PTPRN2: variants seen among roughly 807,000 people sequenced by gnomAD.
PTPRN2 encodes the protein protein tyrosine phosphatase receptor type N2, also known as receptor-type tyrosine-protein phosphatase N2.
PTPRN2 carries 74 observed loss-of-function variants against 118.8 expected under a neutral mutation model. That is an observed-to-expected ratio of 0.62 (90% CI 0.52 to 0.76). PTPRN2 has a LOEUF of 0.76. PTPRN2 is among the 30% of genes least tolerant of loss of function. The probability of loss-of-function intolerance (pLI) is 0.00; values close to 1 mark genes in which losing one functional copy is unlikely to be tolerated. For missense variants in PTPRN2, 1,481 were observed against 1,394.4 expected, an observed-to-expected ratio of 1.06 and a Z score of -0.99; for synonymous variants, 641 against 608.0, an observed-to-expected ratio of 1.05 and a Z score of -0.80.
At chr7:158,068,713 G>T (rs893927115) in intron 11 of PTPRN2, among the ~76,000 whole-genome samples, 1 of 152,142 alleles carries the variant, frequency 6.6e-6, no homozygotes, top group Non-Finnish European at 1.5e-5. Flanking sequence ...ATTCATTGGG[G>T]GATGTCATTT....
At position 157,765,438 on chromosome 7, in the gene PTPRN2, T is replaced by C. The variant is rs375566533; in HGVS notation, c.1789-82501A>G. 7.4e-4 allele frequency among the ~76,000 whole-genome samples: 110 copies of C among 148,824 alleles called. 2 individuals are homozygous for C. In the East Asian group the frequency reaches 0.022, roughly 30 times the overall value. Reference sequence around the variant, plus strand: ...CCATCCATCATCCATTCTTCCTCCATCTGTCCACCCTTCACCCATCCATCC... The same window carrying C: ...CCATCCATCATCCATTCTTCCTCCACCTGTCCACCCTTCACCCATCCATCC... On this transcript the variant is annotated intron_variant, in intron 12 of 22. Coordinates refer to ENST00000389418, the MANE Select transcript of PTPRN2 (RefSeq NM_002847.5).
intron 5 of PTPRN2, among the ~76,000 whole-genome samples, chr7:158,183,409 C>A (rs955005189): frequency 2.0e-5 from 3 of 152,200 alleles, no homozygotes; most frequent in African/African-American, 7.2e-5. Context: ...GTGTTTGTGG[C>A]TGCAGCGTGC....
chr7:157,980,163 C>T (rs1803028769), intron 11 of PTPRN2, among the ~76,000 whole-genome samples: 1 of 152,182 alleles, frequency 6.6e-6, no homozygotes, highest in Admixed American at 6.5e-5. Flanking sequence ...TATTACATCA[C>T]TGAGGTTTCT....
chr7:158,537,778 T>C (rs1162866635), intron 1 of PTPRN2, among the ~76,000 whole-genome samples: 1 of 152,234 alleles, frequency 6.6e-6, no homozygotes, highest in East Asian at 1.9e-4. Context: ...AACATTAGGC[T>C]AAATGACCCT....
chr7:158,376,259 C>T lies in PTPRN2; in HGVS notation c.164-59327G>A, dbSNP rs899232212. Among the ~76,000 whole-genome samples, 824 of 151,756 alleles carry T rather than the reference C, an allele frequency of 5.4e-3. 9 individuals are homozygous for T. The highest frequency in any genetic ancestry group is 0.019 in the African/African-American group (784 of 41,050). ...CCGTCACACGTCCTGCATGCAGGGTCAGGGGACTCCCCCACAGCCCTGTCA... is the reference window on the plus strand; with the variant it reads ...CCGTCACACGTCCTGCATGCAGGGTTAGGGGACTCCCCCACAGCCCTGTCA... On this transcript the variant is annotated intron_variant, in intron 2 of 22. Coordinates refer to ENST00000389418, the MANE Select transcript of PTPRN2 (RefSeq NM_002847.5).
At chr7:158,319,612 TACAC>T (rs1802715423) in intron 2 of PTPRN2, among the ~76,000 whole-genome samples, 1 of 4,674 alleles carries the variant, frequency 2.1e-4, no homozygotes, top group Non-Finnish European at 4.8e-4. Context: ...GCCTCCCTTG[TACAC>T]ACACAGCCTC....
At chr7:158,130,095 G>T (rs1818044380) in intron 9 of PTPRN2, among the ~76,000 whole-genome samples, 1 of 152,168 alleles carries the variant, frequency 6.6e-6, no homozygotes, top group Admixed American at 6.5e-5. Context: ...TACACACTCT[G>T]CGGTTTGAGC....
At chr7:158,382,643 A>G (rs574850730) in intron 2 of PTPRN2, among the ~76,000 whole-genome samples, 1 of 152,250 alleles carries the variant, frequency 6.6e-6, no homozygotes, top group East Asian at 1.9e-4. Flanking sequence ...CGGTGGTGTT[A>G]GATTTTACAG....
intron 1 of PTPRN2, among the ~76,000 whole-genome samples, chr7:158,492,785 A>G (rs946956355): frequency 6.6e-6 from 1 of 152,262 alleles, no homozygotes; most frequent in African/African-American, 2.4e-5. Flanking sequence ...AATCATCCAG[A>G]GAAAAGACAT....
chr7:157,745,062 C>T (rs1291525183), intron 12 of PTPRN2, among the ~76,000 whole-genome samples: 2 of 152,182 alleles, frequency 1.3e-5, no homozygotes, highest in African/African-American at 2.4e-5. Flanking sequence ...CCTATGCCAC[C>T]GCATCTGGGT....
At chr7:158,496,104 G>A (rs1050729722) in intron 1 of PTPRN2, among the ~76,000 whole-genome samples, 4 of 151,964 alleles carry the variant, frequency 2.6e-5, no homozygotes, top group East Asian at 3.9e-4. Context: ...ACCTGGCAGC[G>A]GCCTGGACGG....
intron 12 of PTPRN2, among the ~76,000 whole-genome samples, chr7:157,850,360 G>A (rs1809182250): frequency 6.7e-6 from 1 of 149,206 alleles, no homozygotes; most frequent in Non-Finnish European, 1.5e-5. Context: ...GGGATCCCAG[G>A]TCTCCGAATT....
chr7:158,440,850 G>GTA (rs1816977745), intron 2 of PTPRN2, among the ~76,000 whole-genome samples: 11 of 147,896 alleles, frequency 7.4e-5, no homozygotes, highest in Middle Eastern at 3.6e-3. Context: ...CAGTGACGGG[G>GTA]GTGGTGGTGG....
intron 3 of PTPRN2, among the ~76,000 whole-genome samples, chr7:158,213,050 T>G (rs753528265): frequency 6.6e-6 from 1 of 152,226 alleles, no homozygotes; most frequent in African/African-American, 2.4e-5. Context: ...AATTTGTACA[T>G]GTTAGATCTT....
At chr7:158,297,237 GATC>G (rs1457421111) in intron 3 of PTPRN2, among the ~76,000 whole-genome samples, 2 of 152,206 alleles carry the variant, frequency 1.3e-5, no homozygotes, top group African/African-American at 4.8e-5. Flanking sequence ...ATTTCAGATT[GATC>G]ATCATTCAGA....
At chr7:158,007,920 TGA>T (rs1302223255) in intron 11 of PTPRN2, among the ~76,000 whole-genome samples, 1 of 150,284 alleles carries the variant, frequency 6.7e-6, no homozygotes, top group East Asian at 2.0e-4. Flanking sequence ...TGCACGTGTG[TGA>T]GGGTGTGTGT....
At chr7:158,253,518 C>A (rs960722689) in intron 3 of PTPRN2, among the ~76,000 whole-genome samples, 1 of 152,208 alleles carries the variant, frequency 6.6e-6, no homozygotes, top group Non-Finnish European at 1.5e-5. Context: ...CCATCTAGGG[C>A]AGGGGCAGCC....
intron 12 of PTPRN2, among the ~76,000 whole-genome samples, chr7:157,793,076 T>C (rs759928474): frequency 6.6e-6 from 1 of 152,072 alleles, no homozygotes; most frequent in Non-Finnish European, 1.5e-5. Flanking sequence ...CCCTCTACAA[T>C]GCGCTGTGCC....
At chr7:158,503,826 C>A (rs1024549131) in intron 1 of PTPRN2, among the ~76,000 whole-genome samples, 2 of 152,034 alleles carry the variant, frequency 1.3e-5, no homozygotes, top group African/African-American at 4.8e-5. Context: ...CGTGGAGAAA[C>A]CCTGTCTCTA....
Sources: gnomAD v4.1 joint callset for allele counts (sites outside exome capture counted in the v4.1 genomes callset) on GRCh38, gnomAD v4.1.1 for gene constraint, MANE v1.5 for transcripts, NCBI Gene and HGNC (gene_info 2026-07-23, HGNC 2026-07-21) for gene names.